MIER2: variants seen among roughly 807,000 people sequenced by gnomAD.
MIER2 encodes MIER family member 2, also known as mesoderm induction early response protein 2.
Under a neutral mutation model 67.6 loss-of-function variants are expected in MIER2, and 30 were observed. The ratio of observed to expected loss-of-function variants is 0.44; its 90% CI spans 0.33 to 0.60. The LOEUF (loss-of-function observed/expected upper bound fraction) is 0.60. Among genes scored for constraint, MIER2 ranks in the 20% least tolerant of loss-of-function variants. The pLI, the probability that MIER2 is intolerant of heterozygous loss-of-function variation, is 0.02. For missense variants in MIER2, 702 were observed against 745.1 expected (o/e 0.94, Z 0.67); for synonymous variants, 372 against 312.6 (o/e 1.19, Z -2.00).
chr19:336,355 T>C (rs1267098751), intron 1 of MIER2, among the ~76,000 whole-genome samples, 182 bp from the exon 2 acceptor site: 1 of 152,180 alleles, frequency 6.6e-6, no homozygotes, highest in Non-Finnish European at 1.5e-5. Context: ...TGGCCGCCAC[T>C]CGCCCCGCCT....
intron 7 of MIER2, among the ~76,000 whole-genome samples, chr19:319,950 T>C (rs953638486): frequency 6.6e-6 from 1 of 152,126 alleles, no homozygotes; most frequent in African/African-American, 2.4e-5. Context: ...AGGGAAGGGA[T>C]TAAATACGTA....
At position 307,126 on chromosome 19, in the gene MIER2, G is replaced by A. The variant is rs1204261832; in HGVS notation, c.1609C>T (p.Leu537=). 8 of 1,581,864 alleles carry A rather than the reference G, an allele frequency of 5.1e-6. No individual in the cohort carries two copies. The East Asian group carries it at 1.6e-4, about 32-fold the overall frequency. Reference sequence around the variant, plus strand: ...GCATGGGGTGGCACTCACTGTGACAGGGGCTCCGAGTGTAGCCCGGGGGCC... The same window carrying A: ...GCATGGGGTGGCACTCACTGTGACAAGGGCTCCGAGTGTAGCCCGGGGGCC... ...CPAPGLHSEP[L]SHCNVMTC The change falls in exon 13 of 14, where the codon CTG becomes TTG. Residue 537 remains leucine, a synonymous_variant. Coordinates refer to ENST00000264819, the MANE Select transcript of MIER2 (RefSeq NM_017550.3).
intron 3 of MIER2, 39 bp from the exon 4 acceptor site, chr19:328,028 C>T (rs57488274): frequency 0.092 from 147,163 of 1,608,086 alleles, 8,156 homozygotes; most frequent in African/African-American, 0.22. Context: ...TCAGGAGGGA[C>T]GGCTCTGGGG....
In MIER2 at chr19:344,411, G is replaced by C. The variant is rs1326936500; in HGVS notation, c.9+363C>G. The C allele has an allele frequency of 3.1e-6, 3 of 983,246 alleles. No homozygotes were observed. In the African/African-American group the frequency reaches 5.3e-5, roughly 17 times the overall value. 60.9% of individuals were successfully genotyped at this position (983,246 alleles called of 1,614,324 possible). A position where few individuals can be genotyped will look rare whatever the true frequency, so the allele number is the denominator to read the frequency against. On this transcript the variant is annotated intron_variant, in intron 1 of 13. Coordinates refer to ENST00000264819, the MANE Select transcript of MIER2 (RefSeq NM_017550.3). ...CCTGCGCGCCGCGGGGCCCGGGCCG[G>C]GGCCGGGAACCGGAGCCGGACCCTG...
At chr19:334,299 T>C in intron 3 of MIER2, 101 bp downstream of exon 3, 4 of 1,526,052 alleles carry the variant, frequency 2.6e-6, no homozygotes, top group Admixed American at 1.8e-5. Flanking sequence ...AGATGTACAA[T>C]TTAGCACTTA....
chr19:332,974 C>T (rs1421682435), intron 3 of MIER2, among the ~76,000 whole-genome samples: 2 of 36,156 alleles, frequency 5.5e-5, no homozygotes, highest in Non-Finnish European at 8.8e-5. Flanking sequence ...TGCACCACCA[C>T]GCCTGGCTAA....
At chr19:318,194 C>T (rs567859999) in intron 7 of MIER2, among the ~76,000 whole-genome samples, 56 of 152,222 alleles carry the variant, frequency 3.7e-4, no homozygotes, top group African/African-American at 1.3e-3. Context: ...TCTCAAAAAA[C>T]AAGATCTAAA....
At position 327,899 on chromosome 19, in the gene MIER2, C is replaced by A; in HGVS notation, c.334G>T (p.Val112Leu). The A allele has an allele frequency of 6.2e-7, 1 of 1,612,430 alleles. No homozygotes were observed. Among genetic ancestry groups the A allele is most frequent in the Non-Finnish European group, 8.5e-7 (1 of 1,179,226 alleles). Residue 112 changes from valine (V) to leucine (L), a missense_variant, in exon 4 of 14, where the codon GTG becomes TTG. Around this residue, in one of 3 missense-constraint regions of MIER2, gnomAD observed 320 missense variants for 292.6 expected, o/e 1.09. Coordinates refer to ENST00000264819, the MANE Select transcript of MIER2 (RefSeq NM_017550.3). The part of the protein sequence containing the change: ...ISDRESEGGD[V>L]APNLPDMTLD... ...GTCATGTCTGGGAGGTTCGGGGCCACGTCACCACCCTCACTCTCCCGGTCT... is the reference window on the plus strand; with the variant it reads ...GTCATGTCTGGGAGGTTCGGGGCCAAGTCACCACCCTCACTCTCCCGGTCT...
At position 306,030 on chromosome 19, in the gene MIER2, C is replaced by T. The variant is rs758183530; in HGVS notation, c.*660G>A. On this transcript the variant is annotated 3_prime_UTR_variant, in exon 14 of 14. Transcript: ENST00000264819. ...GGACCCCACCCCAACCGCTCAGGAT[C>T]GGGGAGCAGGGATGGAGGGGGAAGA... 159 of 152,300 alleles carry T rather than the reference C, an allele frequency of 1.0e-3. No homozygotes were observed. The highest frequency in any genetic ancestry group is 8.7e-4 in the Non-Finnish European group (59 of 68,170). 9.4% of individuals were successfully genotyped at this position (152,300 alleles called of 1,614,324 possible).
chr19:342,341 G>A (rs982595764), intron 1 of MIER2, among the ~76,000 whole-genome samples: 2 of 152,058 alleles, frequency 1.3e-5, no homozygotes, highest in Non-Finnish European at 2.9e-5. Context: ...AGAGAAAACA[G>A]GGCGCACGGG....
rs1970698561 is a variant in MIER2 at position 307,344 on chromosome 19, G to A, written c.1391C>T (p.Pro464Leu). The change falls in exon 13 of 14, where the codon CCA (proline) becomes CTA (leucine). Residue 464 changes from proline (P) to leucine (L), a missense_variant. This residue lies in a region of MIER2 where 254 missense variants were observed against 262.8 expected (regional missense o/e 0.97). Transcript: ENST00000264819. ...CACGGCCAGCCTTGGGCTGGCGTCT[G>A]GCTCCGGAGCAGTGACAGCTGGCTG... ...SYQPAVTAPE[P>L]DASPRLAVDF... 6.2e-7 allele frequency: 1 copy of A among 1,604,292 alleles called. No homozygotes were observed. The highest frequency in any genetic ancestry group is 1.3e-5 in the African/African-American group (1 of 74,872).
intron 7 of MIER2, among the ~76,000 whole-genome samples, chr19:317,958 C>G (rs1280413969): frequency 6.6e-6 from 1 of 152,164 alleles, no homozygotes; most frequent in African/African-American, 2.4e-5. Flanking sequence ...AATCCCAGCA[C>G]ATTGGGAGGC....
chr19:316,632 A>T (rs1381299943), intron 7 of MIER2, among the ~76,000 whole-genome samples: 5 of 152,200 alleles, frequency 3.3e-5, no homozygotes, highest in African/African-American at 1.2e-4. Flanking sequence ...GGGGGCAGGT[A>T]AATTGAGTTA....
chr19:327,390 G>C, intron 4 of MIER2, 134 bp from the exon 5 acceptor site: 1 of 1,167,510 alleles, frequency 8.6e-7, no homozygotes. Context: ...TTCTGCAAAG[G>C]GTGCACAGCG....
intron 1 of MIER2, among the ~76,000 whole-genome samples, chr19:337,661 G>A (rs1972319823): frequency 6.6e-6 from 1 of 150,378 alleles, no homozygotes; most frequent in South Asian, 2.1e-4. Context: ...GAGGTCAGGA[G>A]TTCAAGACTA....
intron 10 of MIER2, among the ~76,000 whole-genome samples, chr19:310,338 A>G (rs544093986): frequency 1.3e-5 from 2 of 152,014 alleles, no homozygotes; most frequent in Non-Finnish European, 2.9e-5. Context: ...GACCGAGACA[A>G]CCTCCCTGCA....
chr19:310,430 C>A (rs1423029205), intron 10 of MIER2, among the ~76,000 whole-genome samples: 1 of 152,106 alleles, frequency 6.6e-6, no homozygotes, highest in Admixed American at 6.5e-5. Context: ...GGCTGACCAA[C>A]GTGTGCTGGC....
intron 3 of MIER2, among the ~76,000 whole-genome samples, chr19:331,723 C>T (rs1439854345): frequency 6.6e-6 from 1 of 151,970 alleles, no homozygotes; most frequent in African/African-American, 2.4e-5. Flanking sequence ...GTGGCTCATG[C>T]CTGTAATCCA....
chr19:313,367 C>A, intron 8 of MIER2, 125 bp downstream of exon 8: 1 of 1,441,728 alleles, frequency 6.9e-7, no homozygotes, highest in Non-Finnish European at 9.3e-7. Flanking sequence ...AGTGCCCTGG[C>A]CCCCACACAC....
Sources: gnomAD v4.1 joint callset for allele counts (sites outside exome capture counted in the v4.1 genomes callset) on GRCh38, gnomAD v4.1.1 for gene constraint, gnomAD v4.1.1 regional missense constraint, MANE v1.5 for transcripts, NCBI Gene and HGNC (gene_info 2026-07-23, HGNC 2026-07-21) for gene names.